Variants in KCND2 observed in about 807,000 individuals in gnomAD.
KCND2 encodes A-type voltage-gated potassium channel KCND2.
KCND2 carries 16 observed loss-of-function variants against 54.4 expected under a neutral mutation model. The ratio of observed to expected loss-of-function variants is 0.29; its 90% CI spans 0.20 to 0.45. KCND2 has a LOEUF of 0.45. KCND2 is among the 20% of genes least tolerant of loss of function. The probability of loss-of-function intolerance (pLI) is 1.00; values close to 1 mark genes in which losing one functional copy is unlikely to be tolerated. For missense variants in KCND2, 486 were observed against 824.2 expected (o/e 0.59, Z 5.02); for synonymous variants, 317 against 310.7 (o/e 1.02, Z -0.21).
intron 1 of KCND2, among the ~76,000 whole-genome samples, chr7:120,456,128 C>T (rs1474687964): frequency 6.6e-6 from 1 of 152,132 alleles, no homozygotes; most frequent in African/African-American, 2.4e-5. Flanking sequence ...TCAGTGTTTT[C>T]CTTTTCAACT....
intron 1 of KCND2, among the ~76,000 whole-genome samples, chr7:120,508,204 T>G (rs1038665117): frequency 6.6e-6 from 1 of 152,032 alleles, no homozygotes; most frequent in Non-Finnish European, 1.5e-5. Context: ...AATTATTTCT[T>G]ATAATTAAAA....
Position 120,724,359 on chromosome 7 carries a change from T to C in KCND2, c.1116-8544T>C, listed in dbSNP as rs142391640. ...TTGTCAGGAAGTTTTTAAATAAGAA[T>C]TGACATTTGAGCTTCATCAATGGAA... On this transcript the variant is annotated intron_variant, in intron 1 of 5. Transcript: ENST00000331113. Among the ~76,000 whole-genome samples, 480 of 152,266 alleles carry C rather than the reference T, an allele frequency of 3.2e-3. 2 individuals carry two copies. Among genetic ancestry groups the C allele is most frequent in the African/African-American group, 0.011 (455 of 41,554 alleles).
chr7:120,461,423 T>C (rs1008270277), intron 1 of KCND2, among the ~76,000 whole-genome samples: 5 of 152,194 alleles, frequency 3.3e-5, no homozygotes, highest in Admixed American at 6.6e-5. Context: ...CAAATGGTAT[T>C]TCAGATATTT....
chr7:120,510,166 T>C (rs757632913), intron 1 of KCND2, among the ~76,000 whole-genome samples: 5 of 152,096 alleles, frequency 3.3e-5, no homozygotes. Flanking sequence ...GTCAGTGAAA[T>C]AGGTTGATTA....
chr7:120,366,739 A>G (rs1170387178), intron 1 of KCND2, among the ~76,000 whole-genome samples: 1 of 152,122 alleles, frequency 6.6e-6, no homozygotes, highest in Non-Finnish European at 1.5e-5. Context: ...ACTTTCTCAC[A>G]GCTACCTGAA....
intron 1 of KCND2, among the ~76,000 whole-genome samples, chr7:120,608,723 A>T (rs1792914722): frequency 6.6e-6 from 1 of 152,130 alleles, no homozygotes; most frequent in African/African-American, 2.4e-5. Flanking sequence ...AATCATTGAC[A>T]GTTAAATATA....
intron 1 of KCND2, among the ~76,000 whole-genome samples, chr7:120,431,566 C>A (rs528946673): frequency 2.0e-5 from 3 of 152,242 alleles, no homozygotes; most frequent in African/African-American, 7.2e-5. Context: ...AGGAATGGAT[C>A]ATCTCGCAAT....
At chr7:120,541,880 C>A (rs1344825146) in intron 1 of KCND2, among the ~76,000 whole-genome samples, 3 of 152,062 alleles carry the variant, frequency 2.0e-5, no homozygotes, top group Non-Finnish European at 2.9e-5. Context: ...TAGTTTATAA[C>A]CTATGTCATA....
chr7:120,340,432 A>G lies in KCND2; in HGVS notation c.1115+64685A>G, dbSNP rs369091327. 3.9e-5 allele frequency among the ~76,000 whole-genome samples: 6 copies of G among 152,216 alleles called. No homozygotes were observed. The East Asian group carries it at 1.2e-3, about 29-fold the overall frequency. On this transcript the variant is annotated intron_variant, in intron 1 of 5. Transcript: ENST00000331113. Reference sequence around the variant, plus strand: ...CCACCTATGTGAGAAATGAGAAAGAATCTTAGTGGAGTAAGTTTGTAGGGG... The same window carrying G: ...CCACCTATGTGAGAAATGAGAAAGAGTCTTAGTGGAGTAAGTTTGTAGGGG...
At chr7:120,327,979 T>G (rs915807056) in intron 1 of KCND2, among the ~76,000 whole-genome samples, 1 of 152,116 alleles carries the variant, frequency 6.6e-6, no homozygotes, top group African/African-American at 2.4e-5. Flanking sequence ...TTCAATATTG[T>G]CTCAGATCAC....
At chr7:120,485,340 CAG>C (rs911631640) in intron 1 of KCND2, among the ~76,000 whole-genome samples, 1 of 152,070 alleles carries the variant, frequency 6.6e-6, no homozygotes, top group African/African-American at 2.4e-5. Flanking sequence ...TTAAAATGCC[CAG>C]AGTTAATTAT....
intron 1 of KCND2, among the ~76,000 whole-genome samples, chr7:120,580,720 T>G (rs2116442672): frequency 6.6e-6 from 1 of 152,342 alleles, no homozygotes; most frequent in South Asian, 2.1e-4. Context: ...ACAAGCTACT[T>G]TACTATCTTA....
rs1799162534 is a variant in KCND2, at chr7:120,275,661, C to T, written c.1029C>T (p.Phe343=). ...MAIIIFATVM[F]YAEKGSSASK... is the part of the protein sequence containing the mutation. ...TCATCATCTTCGCTACAGTTATGTT[C>T]TACGCAGAGAAGGGGTCTTCGGCTA... Residue 343 remains phenylalanine, a synonymous_variant, in exon 1 of 6, where the codon TTC becomes TTT. Coordinates refer to ENST00000331113, the MANE Select transcript of KCND2 (RefSeq NM_012281.3). 6.2e-7 allele frequency: 1 copy of T among 1,604,904 alleles called. No homozygotes were observed. Among genetic ancestry groups the T allele is most frequent in the Admixed American group, 1.7e-5 (1 of 59,994 alleles).
chr7:120,677,381 A>T (rs1157647248), intron 1 of KCND2, among the ~76,000 whole-genome samples: 1 of 152,124 alleles, frequency 6.6e-6, no homozygotes, highest in Non-Finnish European at 1.5e-5. Context: ...GAGAAGAGTC[A>T]TAAAATAAGG....
chr7:120,705,284 A>T (rs1453613697), intron 1 of KCND2, among the ~76,000 whole-genome samples: 3 of 152,170 alleles, frequency 2.0e-5, no homozygotes, highest in African/African-American at 7.2e-5. Flanking sequence ...GATGATCTGG[A>T]TGGCTTTTTC....
rs926709834 is a variant in KCND2, at chr7:120,300,314, G to C, written c.1115+24567G>C. ...TTCAGGGGAAGTCAAAACCCTAGAT[G>C]AACTCTTTGCAGCAAATACATGAAG... On this transcript the variant is annotated intron_variant, in intron 1 of 5. Transcript: ENST00000331113. 1.8e-4 allele frequency among the ~76,000 whole-genome samples: 27 copies of C among 152,060 alleles called. 2 individuals carry two copies.
chr7:120,659,268 A>G (rs1437909623), intron 1 of KCND2, among the ~76,000 whole-genome samples: 1 of 151,930 alleles, frequency 6.6e-6, no homozygotes, highest in Non-Finnish European at 1.5e-5. Context: ...TTTGGATTCT[A>G]CTTCTAAGAT....
intron 1 of KCND2, among the ~76,000 whole-genome samples, chr7:120,696,761 A>C (rs1460650460): frequency 6.6e-6 from 1 of 152,232 alleles, no homozygotes; most frequent in Non-Finnish European, 1.5e-5. Context: ...CTTCTGCCTT[A>C]GAATGACAAA....
intron 1 of KCND2, among the ~76,000 whole-genome samples, chr7:120,666,574 A>T (rs1205840633): frequency 6.6e-6 from 1 of 152,062 alleles, no homozygotes; most frequent in Non-Finnish European, 1.5e-5. Flanking sequence ...CAGCATAGAT[A>T]CAAGTAAGAA....
Sources: gnomAD v4.1 joint callset for allele counts (sites outside exome capture counted in the v4.1 genomes callset) on GRCh38, gnomAD v4.1.1 for gene constraint, MANE v1.5 for transcripts, NCBI Gene and HGNC (gene_info 2026-07-23, HGNC 2026-07-21) for gene names.